Variants in MAF observed in about 807,000 individuals in gnomAD.
The protein encoded by MAF is transcription factor Maf.
MAF carries 10 observed loss-of-function variants against 22.0 expected under a neutral mutation model. That is an observed-to-expected ratio of 0.45 (90% CI 0.28 to 0.77). The LOEUF is 0.77. Among genes scored for constraint, MAF ranks in the 30% least tolerant of loss-of-function variants. The probability of loss-of-function intolerance (pLI) is 0.12; values close to 1 mark genes in which losing one functional copy is unlikely to be tolerated. For synonymous variants in MAF, 337 were observed against 255.8 expected (o/e 1.32, Z -3.03); for missense variants, 544 against 548.4 (o/e 0.99, Z 0.08).
the MAF span, among the ~76,000 whole-genome samples, chr16:79,260,304 C>G: frequency 6.6e-6 from 1 of 152,240 alleles, no homozygotes; most frequent in Non-Finnish European, 1.5e-5. Flanking sequence ...GTGTGCACCA[C>G]CACACCTGGC....
the MAF span, among the ~76,000 whole-genome samples, chr16:79,468,901 G>A: frequency 3.3e-5 from 5 of 152,092 alleles, no homozygotes; most frequent in African/African-American, 1.2e-4. Context: ...TAATCCTCCT[G>A]CTTGCTTTGA....
Position 79,594,317 on chromosome 16 carries a change from T to C in MAF, c.*143A>G. 4 of 793,110 alleles carry C rather than the reference T, an allele frequency of 5.0e-6. No individual in the cohort carries two copies. Among genetic ancestry groups the C allele is most frequent in the South Asian group, 4.6e-5 (3 of 65,152 alleles). 49.1% of individuals were successfully genotyped at this position (793,110 alleles called of 1,614,324 possible). ...CCAGACAAGAGGCATAGTTAACTAC[T>C]ACATTTAATAGCCTTCTTCTCTAAC... is the stretch of plus-strand genomic sequence containing the variant. On this transcript the variant is annotated 3_prime_UTR_variant, in exon 2 of 2. Transcript: ENST00000326043.
At chr16:79,423,648 G>A in the MAF span, among the ~76,000 whole-genome samples, 1 of 152,296 alleles carries the variant, frequency 6.6e-6, no homozygotes, top group East Asian at 1.9e-4. Flanking sequence ...AACAGAGATA[G>A]CATGTCCCAC....
chr16:79,513,689 GTTGAGCTTA>G, the MAF span, among the ~76,000 whole-genome samples: 3 of 152,258 alleles, frequency 2.0e-5, no homozygotes, highest in Non-Finnish European at 4.4e-5. Context: ...CAATAAGCTT[GTTGAGCTTA>G]TTGAGCTCAT....
At chr16:79,589,450 C>G (rs554544777), downstream of MAF, among the ~76,000 whole-genome samples, 1 of 152,062 alleles carries the variant, frequency 6.6e-6, no homozygotes, top group Non-Finnish European at 1.5e-5. Context: ...TTGCCTTTCT[C>G]TTTTTCCCTC....
chr16:79,246,577 A>C, the MAF span, among the ~76,000 whole-genome samples: 1 of 148,472 alleles, frequency 6.7e-6, no homozygotes, highest in African/African-American at 2.5e-5. Context: ...TATACTTTTC[A>C]GTTTACTGTT....
the MAF span, among the ~76,000 whole-genome samples, chr16:79,522,253 T>C: frequency 1.3e-5 from 2 of 152,222 alleles, no homozygotes; most frequent in Admixed American, 1.3e-4. Context: ...TCCATTGAGC[T>C]CTCAGCTCCC....
the MAF span, among the ~76,000 whole-genome samples, chr16:79,241,008 G>T: frequency 6.6e-6 from 1 of 152,018 alleles, no homozygotes; most frequent in Non-Finnish European, 1.5e-5. Flanking sequence ...TCAACAAAAA[G>T]ACATCCACTC....
the MAF span, among the ~76,000 whole-genome samples, chr16:79,561,383 G>A: frequency 0.084 from 12,674 of 150,368 alleles, 610 homozygotes; most frequent in Non-Finnish European, 0.11. Flanking sequence ...AGTTACATAT[G>A]TATACATGTG....
the MAF span, among the ~76,000 whole-genome samples, chr16:79,507,826 C>T: frequency 4.9e-4 from 74 of 152,312 alleles, no homozygotes; most frequent in South Asian, 5.6e-3. Context: ...CCCATTTTCT[C>T]TAGTACTCAT....
At chr16:79,568,475 G>C in the MAF span, among the ~76,000 whole-genome samples, 1 of 152,134 alleles carries the variant, frequency 6.6e-6, no homozygotes, top group Non-Finnish European at 1.5e-5. Context: ...GAGTCTGAAG[G>C]TCTTTTATCT....
At chr16:79,401,442 C>G in the MAF span, among the ~76,000 whole-genome samples, 2 of 152,110 alleles carry the variant, frequency 1.3e-5, no homozygotes, top group Non-Finnish European at 2.9e-5. Context: ...GTCACACAGT[C>G]TTCAAGTGGG....
At chr16:79,558,019 C>T in the MAF span, among the ~76,000 whole-genome samples, 1 of 151,808 alleles carries the variant, frequency 6.6e-6, no homozygotes, top group African/African-American at 2.4e-5. Context: ...GGAAGCACAC[C>T]AGCTTCTCTC....
chr16:79,536,139 T>C, the MAF span, among the ~76,000 whole-genome samples: 9 of 152,228 alleles, frequency 5.9e-5, no homozygotes, highest in Non-Finnish European at 1.0e-4. Flanking sequence ...CAACATGATA[T>C]AGATATAAGG....
At chr16:79,397,916 G>A in the MAF span, among the ~76,000 whole-genome samples, 25 of 152,306 alleles carry the variant, frequency 1.6e-4, no homozygotes, top group East Asian at 5.8e-4. Flanking sequence ...AGAGAAAGAT[G>A]TATCATTTTT....
the MAF span, chr16:79,212,322 C>A: frequency 6.3e-6 from 5 of 799,744 alleles, no homozygotes; most frequent in Non-Finnish European, 9.5e-6. Flanking sequence ...AATCTCAGAA[C>A]CTTGTCCCAG....
At chr16:79,320,119 AG>A in the MAF span, among the ~76,000 whole-genome samples, 1 of 152,164 alleles carries the variant, frequency 6.6e-6, no homozygotes, top group African/African-American at 2.4e-5. Context: ...GTGGAGTATC[AG>A]GGAAGGCAGA....
chr16:79,538,015 T>A, the MAF span, among the ~76,000 whole-genome samples: 1 of 152,324 alleles, frequency 6.6e-6, no homozygotes, highest in East Asian at 1.9e-4. Flanking sequence ...AGAATTTGAG[T>A]CTTTATCTGT....
At chr16:79,531,608 G>A in the MAF span, among the ~76,000 whole-genome samples, 3 of 152,012 alleles carry the variant, frequency 2.0e-5, no homozygotes, top group Admixed American at 6.6e-5. Context: ...TCATAAGGAG[G>A]GCACAACCTA....
Sources: gnomAD v4.1 joint callset for allele counts (sites outside exome capture counted in the v4.1 genomes callset) on GRCh38, gnomAD v4.1.1 for gene constraint, MANE v1.5 for transcripts, NCBI Gene and HGNC (gene_info 2026-07-23, HGNC 2026-07-21) for gene names.